The following SPTLC2 variants were observed in gnomAD, a reference collection of about 807,000 sequenced individuals.
SPTLC2 encodes the protein serine palmitoyltransferase long chain base subunit 2.
A neutral mutation model predicts 62.0 loss-of-function variants in SPTLC2; 21 were observed. That is an observed-to-expected ratio of 0.34 (90% CI 0.24 to 0.49). SPTLC2 has a LOEUF of 0.49. SPTLC2 is among the 20% of genes least tolerant of loss of function. SPTLC2 has a pLI of 0.99. For missense variants in SPTLC2, 511 were observed against 713.0 expected (o/e 0.72, Z 3.23); for synonymous variants, 261 against 261.8 (o/e 1.00, Z 0.03).
intron 10 of SPTLC2, among the ~76,000 whole-genome samples, chr14:77,519,053 G>GT (rs1182839219): frequency 4.4e-4 from 66 of 151,628 alleles, no homozygotes; most frequent in African/African-American, 8.9e-4. Flanking sequence ...AATTATGTGG[G>GT]TTTTTTTTTG....
intron 9 of SPTLC2, among the ~76,000 whole-genome samples, chr14:77,542,991 G>T (rs2079509394): frequency 6.6e-6 from 1 of 152,226 alleles, no homozygotes; most frequent in Admixed American, 6.5e-5. Context: ...CCAAGTGCCT[G>T]TGAAAAATCA....
rs1045592492 is a variant in SPTLC2 at position 77,582,824 on chromosome 14, C to T, written c.328-3715G>A. The stretch of plus-strand genomic sequence containing the variant: ...TAGAATGGTAGGAGAGAGGGACTTA[C>T]GGCCGAAATCTCAGCTCCCCTTTAC... On this transcript the variant is annotated intron_variant, in intron 2 of 11. Coordinates refer to ENST00000216484, the MANE Select transcript of SPTLC2 (RefSeq NM_004863.4). Among the ~76,000 whole-genome samples, 17 of 152,294 alleles carry T rather than the reference C, an allele frequency of 1.1e-4. No homozygotes were observed. The East Asian group carries it at 1.5e-3, about 14-fold the overall frequency.
chr14:77,543,240 C>T (rs553766433), intron 9 of SPTLC2, among the ~76,000 whole-genome samples: 6 of 152,144 alleles, frequency 3.9e-5, no homozygotes, highest in African/African-American at 1.4e-4. Context: ...AGTAGAGACA[C>T]GGTTTCACTA....
chr14:77,543,647 C>A (rs943210483), intron 9 of SPTLC2, among the ~76,000 whole-genome samples: 16 of 152,026 alleles, frequency 1.1e-4, no homozygotes, highest in Non-Finnish European at 1.9e-4. Flanking sequence ...CAGCCCCCCC[C>A]AAAAAAAGTA....
intron 5 of SPTLC2, among the ~76,000 whole-genome samples, chr14:77,564,269 GAGGAGGAAGAGGAGGAAA>G (rs1284851402): frequency 2.9e-5 from 4 of 137,522 alleles, no homozygotes; most frequent in South Asian, 2.5e-4. Context: ...GGAGGAGGAA[GAGGAGGAAGAGGAGGAAA>G]AGGAGGAAGA....
intron 1 of SPTLC2, among the ~76,000 whole-genome samples, chr14:77,602,198 C>T (rs1013270971): frequency 1.3e-5 from 2 of 152,232 alleles, no homozygotes; most frequent in Non-Finnish European, 2.9e-5. Context: ...CTCAAGTCTA[C>T]ACTGCAATCC....
intron 6 of SPTLC2, among the ~76,000 whole-genome samples, 193 bp downstream of exon 6, chr14:77,562,203 G>A (rs1048632507): frequency 1.3e-5 from 2 of 152,190 alleles, no homozygotes; most frequent in African/African-American, 4.8e-5. Flanking sequence ...CAAATAAAAG[G>A]ATAGTATTAT....
At chr14:77,531,233 G>C (rs1362537888) in intron 9 of SPTLC2, among the ~76,000 whole-genome samples, 2 of 152,182 alleles carry the variant, frequency 1.3e-5, no homozygotes, top group South Asian at 2.1e-4. Flanking sequence ...AGGCTGTTTA[G>C]TGCCTTGCAC....
At chr14:77,531,490 T>TCCCCCTCCCCCC (rs1566770811) in intron 9 of SPTLC2, among the ~76,000 whole-genome samples, 4 of 66,496 alleles carry the variant, frequency 6.0e-5, no homozygotes, top group Admixed American at 2.0e-4. Context: ...CCCCTCCTCC[T>TCCCCCTCCCCCC]CCTCCTCCTC....
chr14:77,560,335 C>G (rs1422704058), intron 6 of SPTLC2, among the ~76,000 whole-genome samples: 1 of 152,188 alleles, frequency 6.6e-6, no homozygotes, highest in Non-Finnish European at 1.5e-5. Flanking sequence ...TGCCTATAAT[C>G]CCAGTACTGG....
intron 9 of SPTLC2, among the ~76,000 whole-genome samples, chr14:77,539,609 C>T (rs1054584290): frequency 4.7e-5 from 7 of 149,996 alleles, no homozygotes; most frequent in African/African-American, 1.7e-4. Flanking sequence ...CCTGCCACAG[C>T]CTCTCAAGTA....
chr14:77,579,752 C>A (rs750779978), intron 2 of SPTLC2, among the ~76,000 whole-genome samples: 3 of 152,032 alleles, frequency 2.0e-5, no homozygotes, highest in Non-Finnish European at 2.9e-5. Flanking sequence ...CAAAAAAAAC[C>A]CTGATGTATC....
At chr14:77,593,389 T>C (rs1595010922) in intron 2 of SPTLC2, among the ~76,000 whole-genome samples, 1 of 152,210 alleles carries the variant, frequency 6.6e-6, no homozygotes, top group Non-Finnish European at 1.5e-5. Flanking sequence ...GTGATCCTCC[T>C]GCCTCAGCCT....
chr14:77,584,219 G>A (rs79762343), intron 2 of SPTLC2, among the ~76,000 whole-genome samples: 28 of 152,140 alleles, frequency 1.8e-4, no homozygotes, highest in African/African-American at 6.8e-4. Context: ...ACCACCTATT[G>A]TAGCACCTAT....
chr14:77,590,148 T>C lies in SPTLC2; in HGVS notation c.327+7038A>G, dbSNP rs1293857922. Among the ~76,000 whole-genome samples, 3 of 152,092 alleles carry C rather than the reference T, an allele frequency of 2.0e-5. No homozygotes were observed. The East Asian group carries it at 5.8e-4, about 29-fold the overall frequency. ...AGGCCACCACACCCAGCTAATTTTTTAATTTTCTTGTTGAGACAGGGTCTT... is the reference window on the plus strand; with the variant it reads ...AGGCCACCACACCCAGCTAATTTTTCAATTTTCTTGTTGAGACAGGGTCTT... On this transcript the variant is annotated intron_variant, in intron 2 of 11. Coordinates refer to ENST00000216484, the MANE Select transcript of SPTLC2 (RefSeq NM_004863.4).
chr14:77,560,632 T>A (rs77964819), intron 6 of SPTLC2, among the ~76,000 whole-genome samples: 1,069 of 5,174 alleles, frequency 0.21, 1 homozygote, highest in South Asian at 0.36. Context: ...AAAATAAAAA[T>A]ATATATATAT....
At chr14:77,585,110 G>A (rs2079774072) in intron 2 of SPTLC2, among the ~76,000 whole-genome samples, 1 of 152,186 alleles carries the variant, frequency 6.6e-6, no homozygotes, top group Non-Finnish European at 1.5e-5. Flanking sequence ...AGTTAGGGGA[G>A]GGAGGCCCTA....
intron 8 of SPTLC2, among the ~76,000 whole-genome samples, chr14:77,553,320 T>G (rs1398215733): frequency 6.6e-6 from 1 of 152,216 alleles, no homozygotes; most frequent in Non-Finnish European, 1.5e-5. Context: ...TGTACTTTAA[T>G]GATCTCCCAG....
At chr14:77,569,119 T>TCCG (rs374984217) in intron 5 of SPTLC2, among the ~76,000 whole-genome samples, 3 of 31,168 alleles carry the variant, frequency 9.6e-5, no homozygotes, top group Non-Finnish European at 3.0e-4. Flanking sequence ...TACACAATGT[T>TCCG]CTTTATCACC....
Sources: gnomAD v4.1 joint callset for allele counts (sites outside exome capture counted in the v4.1 genomes callset) on GRCh38, gnomAD v4.1.1 for gene constraint, MANE v1.5 for transcripts, NCBI Gene and HGNC (gene_info 2026-07-23, HGNC 2026-07-21) for gene names.